SLIT3: variants seen among roughly 807,000 people sequenced by gnomAD.
SLIT3 encodes the protein slit homolog 3 protein.
A neutral mutation model predicts 184.0 loss-of-function variants in SLIT3; 68 were observed. That is an observed-to-expected ratio of 0.37 (90% CI 0.30 to 0.45). The LOEUF (loss-of-function observed/expected upper bound fraction) is 0.45, where lower values mean the gene tolerates loss of function less well. Among genes scored for constraint, SLIT3 ranks in the 20% least tolerant of loss-of-function variants. The pLI is 1.00. For missense variants in SLIT3, 1,707 were observed against 2,026.0 expected (o/e 0.84, Z 3.02); for synonymous variants, 831 against 828.6 (o/e 1.00, Z -0.05).
At position 169,178,179 on chromosome 5, in the gene SLIT3, G is replaced by A. The variant is rs193156981; in HGVS notation, c.413+15300C>T. ...GCTATCCCAGCTGGCCCAAACCAGG[G>A]AAGCATCAATCCTTTACTTCTTGTA... On this transcript the variant is annotated intron_variant, in intron 4 of 35. Coordinates refer to ENST00000519560, the MANE Select transcript of SLIT3 (RefSeq NM_003062.4). Among the ~76,000 whole-genome samples the A allele has an allele frequency of 2.3e-3, 354 of 152,298 alleles. 2 individuals carry two copies. The highest frequency in any genetic ancestry group is 4.3e-3 in the Non-Finnish European group (292 of 68,018).
chr5:169,050,170 G>A (rs1447452257), intron 4 of SLIT3, among the ~76,000 whole-genome samples: 2 of 152,182 alleles, frequency 1.3e-5, no homozygotes, highest in Non-Finnish European at 2.9e-5. Flanking sequence ...ATGTTAAGGA[G>A]TCTCTTACTG....
intron 5 of SLIT3, among the ~76,000 whole-genome samples, chr5:168,863,837 C>T (rs778226451): frequency 6.6e-5 from 10 of 152,146 alleles, no homozygotes; most frequent in African/African-American, 1.9e-4. Flanking sequence ...CCTTCTGCCC[C>T]GTTCCCCAAG....
At chr5:168,876,215 C>G (rs1305519151) in intron 5 of SLIT3, among the ~76,000 whole-genome samples, 2 of 152,194 alleles carry the variant, frequency 1.3e-5, no homozygotes, top group African/African-American at 4.8e-5. Context: ...ATCCACTTTA[C>G]TTGCTCGATT....
chr5:168,857,713 C>T (rs533447075), intron 5 of SLIT3, among the ~76,000 whole-genome samples: 47 of 152,234 alleles, frequency 3.1e-4, no homozygotes, highest in Admixed American at 5.2e-4. Context: ...GAATTTACTC[C>T]GGTTTTGAAC....
intron 35 of SLIT3, among the ~76,000 whole-genome samples, chr5:168,668,751 A>G (rs1030072802): frequency 2.6e-5 from 4 of 152,094 alleles, no homozygotes; most frequent in Admixed American, 6.5e-5. Context: ...TCCTGGCCCT[A>G]TCTAGATGAG....
intron 4 of SLIT3, among the ~76,000 whole-genome samples, chr5:168,945,633 T>C (rs571428583): frequency 6.6e-6 from 1 of 152,340 alleles, no homozygotes; most frequent in Admixed American, 6.5e-5. Context: ...CCACATGCTA[T>C]ACTTTTAATA....
intron 32 of SLIT3, among the ~76,000 whole-genome samples, chr5:168,676,386 G>T (rs1036117106): frequency 1.3e-5 from 2 of 152,226 alleles, no homozygotes; most frequent in Admixed American, 1.3e-4. Context: ...AGATAGGGTA[G>T]TGGGAGGTGG....
At chr5:169,282,403 G>T (rs1462701835) in intron 1 of SLIT3, among the ~76,000 whole-genome samples, 1 of 152,146 alleles carries the variant, frequency 6.6e-6, no homozygotes, top group Non-Finnish European at 1.5e-5. Context: ...GAATTCTCCT[G>T]GGTCCTGGTC....
chr5:169,179,836 C>T (rs967121686), intron 4 of SLIT3, among the ~76,000 whole-genome samples: 3 of 152,210 alleles, frequency 2.0e-5, no homozygotes, highest in South Asian at 2.1e-4. Flanking sequence ...GACCAGGTTC[C>T]TTCTCTCATT....
intron 3 of SLIT3, among the ~76,000 whole-genome samples, chr5:169,208,030 T>C (rs1764133154): frequency 2.0e-5 from 3 of 152,102 alleles, no homozygotes; most frequent in Admixed American, 2.0e-4. Context: ...AATTCTTATG[T>C]CAAATTTAAC....
intron 35 of SLIT3, among the ~76,000 whole-genome samples, chr5:168,669,376 C>G (rs1397419475): frequency 6.6e-6 from 1 of 152,248 alleles, no homozygotes; most frequent in Non-Finnish European, 1.5e-5. Context: ...CTCCCGCCAA[C>G]ACCCAGCGCC....
chr5:169,181,124 C>T (rs961027670), intron 4 of SLIT3, among the ~76,000 whole-genome samples: 3 of 152,198 alleles, frequency 2.0e-5, no homozygotes, highest in Non-Finnish European at 4.4e-5. Flanking sequence ...CTGCAGCTGC[C>T]TTTCTAATCC....
intron 1 of SLIT3, among the ~76,000 whole-genome samples, chr5:169,271,035 C>G (rs185349203): frequency 6.6e-6 from 1 of 152,290 alleles, no homozygotes; most frequent in East Asian, 1.9e-4. Flanking sequence ...CTCCAGGGGG[C>G]ATCGTTCAAC....
chr5:168,886,450 C>T (rs563134474), intron 4 of SLIT3, among the ~76,000 whole-genome samples: 27 of 152,266 alleles, frequency 1.8e-4, no homozygotes, highest in African/African-American at 6.3e-4. Context: ...TCGAGAGAGA[C>T]AAGAGCCACC....
chr5:168,744,189 T>C (rs776264527), intron 20 of SLIT3, among the ~76,000 whole-genome samples: 3 of 152,128 alleles, frequency 2.0e-5, no homozygotes, highest in Non-Finnish European at 4.4e-5. Context: ...AGGGGGAGGC[T>C]GAGGCAGGAG....
chr5:169,125,499 A>T (rs1350104662), intron 4 of SLIT3, among the ~76,000 whole-genome samples: 1 of 152,226 alleles, frequency 6.6e-6, no homozygotes, highest in East Asian at 1.9e-4. Flanking sequence ...TCTTTGGGAA[A>T]ATATATCCAG....
chr5:169,114,996 C>T (rs1458819564), intron 4 of SLIT3, among the ~76,000 whole-genome samples: 1 of 152,180 alleles, frequency 6.6e-6, no homozygotes, highest in Non-Finnish European at 1.5e-5. Context: ...AATCTGCCTG[C>T]ATTGGATCCT....
intron 32 of SLIT3, among the ~76,000 whole-genome samples, chr5:168,678,158 TGG>T (rs1761470448): frequency 6.6e-6 from 1 of 152,186 alleles, no homozygotes; most frequent in Non-Finnish European, 1.5e-5. Flanking sequence ...TAGGTGCTCA[TGG>T]GTTAACAGGT....
chr5:169,017,400 A>G (rs569768729), intron 4 of SLIT3, among the ~76,000 whole-genome samples: 1 of 152,324 alleles, frequency 6.6e-6, no homozygotes, highest in South Asian at 2.1e-4. Flanking sequence ...AATGTTAACG[A>G]AAGAGCTAAA....
Sources: gnomAD v4.1 joint callset for allele counts (sites outside exome capture counted in the v4.1 genomes callset) on GRCh38, gnomAD v4.1.1 for gene constraint, MANE v1.5 for transcripts, NCBI Gene and HGNC (gene_info 2026-07-23, HGNC 2026-07-21) for gene names.